The following FAM53B variants were observed in gnomAD, a reference collection of about 807,000 sequenced individuals.
FAM53B encodes the protein family with sequence similarity 53 member B, also known as protein FAM53B.
Under a neutral mutation model 32.7 loss-of-function variants are expected in FAM53B, and 12 were observed. That is an observed-to-expected ratio of 0.37 (90% CI 0.24 to 0.59). The LOEUF (loss-of-function observed/expected upper bound fraction) is 0.59, where lower values mean the gene tolerates loss of function less well. Ranked by LOEUF, FAM53B falls within the 20% of genes least tolerant of loss-of-function variation. The pLI is 0.72. For synonymous variants in FAM53B, 234 were observed against 228.7 expected, an observed-to-expected ratio of 1.02 and a Z score of -0.21; for missense variants, 477 against 577.7, an observed-to-expected ratio of 0.83 and a Z score of 1.79.
intron 4 of FAM53B, among the ~76,000 whole-genome samples, chr10:124,643,777 G>A (rs1949492832): frequency 6.6e-6 from 1 of 152,232 alleles, no homozygotes; most frequent in Non-Finnish European, 1.5e-5. Flanking sequence ...AGGATGGAAG[G>A]CTCAGAAGAT....
intron 4 of FAM53B, chr10:124,671,284 T>C (rs906241771): frequency 2.3e-6 from 1 of 436,886 alleles, no homozygotes; most frequent in Admixed American, 2.4e-5. Context: ...GCCTCTCAGG[T>C]CTTGCCCCAG....
chr10:124,650,975 C>T (rs1182226040), intron 4 of FAM53B, among the ~76,000 whole-genome samples: 2 of 152,076 alleles, frequency 1.3e-5, no homozygotes, highest in Non-Finnish European at 2.9e-5. Context: ...GGCGCTGAGT[C>T]ACACCGAGAG....
At chr10:124,642,325 G>A (rs1280953921) in intron 4 of FAM53B, among the ~76,000 whole-genome samples, 1 of 152,216 alleles carries the variant, frequency 6.6e-6, no homozygotes, top group Non-Finnish European at 1.5e-5. Flanking sequence ...GTGTGAACAC[G>A]TCCACAGTGA....
At chr10:124,716,373 C>A (rs1273008235) in intron 1 of FAM53B, among the ~76,000 whole-genome samples, 1 of 152,180 alleles carries the variant, frequency 6.6e-6, no homozygotes, top group Non-Finnish European at 1.5e-5. Flanking sequence ...CAAAACAAGA[C>A]AAAACAGTAA....
chr10:124,634,895 A>C (rs1352110882), intron 4 of FAM53B, among the ~76,000 whole-genome samples: 5 of 152,200 alleles, frequency 3.3e-5, no homozygotes, highest in African/African-American at 1.2e-4. Context: ...AAGACCACTA[A>C]GTTGTACACC....
chr10:124,732,816 T>C (rs1950152743), intron 1 of FAM53B, among the ~76,000 whole-genome samples: 1 of 149,570 alleles, frequency 6.7e-6, no homozygotes, highest in Admixed American at 6.7e-5. Context: ...GGTGACAGAG[T>C]GAGACTCCAT....
intron 4 of FAM53B, among the ~76,000 whole-genome samples, chr10:124,674,674 G>A (rs1949726533): frequency 6.6e-6 from 1 of 152,228 alleles, no homozygotes; most frequent in Admixed American, 6.5e-5. Context: ...CCAGTCAAAG[G>A]GGCAAGAGCC....
chr10:124,660,009 G>A (rs1423201639), intron 4 of FAM53B, among the ~76,000 whole-genome samples: 1 of 152,354 alleles, frequency 6.6e-6, no homozygotes, highest in African/African-American at 2.4e-5. Flanking sequence ...GTTTTGCCAT[G>A]TTGGCCAGGC....
At chr10:124,710,752 C>T (rs763644159) in intron 1 of FAM53B, among the ~76,000 whole-genome samples, 1 of 152,222 alleles carries the variant, frequency 6.6e-6, no homozygotes, top group Non-Finnish European at 1.5e-5. Context: ...CTACTAGGTA[C>T]CAGGCGCTTT....
intron 4 of FAM53B, among the ~76,000 whole-genome samples, chr10:124,636,963 T>C (rs947972980): frequency 1.3e-5 from 2 of 151,788 alleles, no homozygotes; most frequent in African/African-American, 4.8e-5. Context: ...GAGACTTCTT[T>C]CCTCCCAACA....
intron 4 of FAM53B, among the ~76,000 whole-genome samples, chr10:124,641,811 C>T (rs1206938066): frequency 1.3e-5 from 2 of 152,206 alleles, no homozygotes; most frequent in Admixed American, 6.5e-5. Flanking sequence ...ACTGATAAGA[C>T]TTACAGGTCC....
intron 4 of FAM53B, among the ~76,000 whole-genome samples, chr10:124,628,486 T>G (rs542702670): frequency 9.5e-4 from 145 of 152,306 alleles, no homozygotes; most frequent in African/African-American, 3.1e-3. Context: ...CTGGAGGCAC[T>G]GAGATCCTCC....
In FAM53B at chr10:124,648,774, G is replaced by T. The variant is rs139465496; in HGVS notation, c.907-25170C>A. 9.3e-3 allele frequency among the ~76,000 whole-genome samples: 1,419 copies of T among 152,362 alleles called. 16 individuals carry two copies. Among genetic ancestry groups the T allele is most frequent in the South Asian group, 0.025 (122 of 4,832 alleles). ...AACTCAGAGCTAGTCCACCTGTCCC[G>T]CCTGTTCGGGGCTCCTTTTGCTGCT... On this transcript the variant is annotated intron_variant, in intron 4 of 4. Transcript: ENST00000337318.
chr10:124,687,827 C>A (rs1589751079), intron 3 of FAM53B, among the ~76,000 whole-genome samples: 1 of 152,226 alleles, frequency 6.6e-6, no homozygotes, highest in African/African-American at 2.4e-5. Context: ...TTCTGGAAAG[C>A]AGATGACATG....
At chr10:124,712,367 A>G (rs900501852) in intron 1 of FAM53B, among the ~76,000 whole-genome samples, 6 of 152,114 alleles carry the variant, frequency 3.9e-5, no homozygotes, top group Non-Finnish European at 7.3e-5. Context: ...AAAAATAATT[A>G]TTATTATTAA....
chr10:124,627,876 T>C (rs770730073), intron 4 of FAM53B, among the ~76,000 whole-genome samples: 1 of 151,962 alleles, frequency 6.6e-6, no homozygotes, highest in Non-Finnish European at 1.5e-5. Flanking sequence ...TCTGTGCAGA[T>C]ATTTATTCCC....
chr10:124,700,059 T>C (rs986774395), intron 2 of FAM53B, among the ~76,000 whole-genome samples: 4 of 152,184 alleles, frequency 2.6e-5, no homozygotes, highest in Admixed American at 1.3e-4. Context: ...CCATCTTGCT[T>C]TCTGAGCCCC....
At chr10:124,657,151 T>TGTATATAC (rs1491309065) in intron 4 of FAM53B, among the ~76,000 whole-genome samples, 115 of 134,728 alleles carry the variant, frequency 8.5e-4, no homozygotes, top group Non-Finnish European at 1.4e-3. Context: ...TATATATGTG[T>TGTATATAC]ATATATGTGT....
rs906516892 is a variant in FAM53B, at chr10:124,651,442, C to A, written c.907-27838G>T. ...ACAGGCAGGGATGAAGCTAAGAGGG[C>A]TGCCAGGGGAGGCAGTATAAAGGCA... On this transcript the variant is annotated intron_variant, in intron 4 of 4. Coordinates refer to ENST00000337318, the MANE Select transcript of FAM53B (RefSeq NM_014661.4). This position sits in a 1 kb window ranked among gnomAD's most constrained non-coding sequence, Gnocchi z 5.2. 6.6e-5 allele frequency among the ~76,000 whole-genome samples: 10 copies of A among 152,222 alleles called. No individual in the cohort carries two copies. Among genetic ancestry groups the A allele is most frequent in the African/African-American group, 2.4e-4 (10 of 41,464 alleles).
Sources: allele counts gnomAD v4.1 joint callset (sites outside exome capture counted in the v4.1 genomes callset), GRCh38; gene constraint gnomAD v4.1.1; non-coding constraint Gnocchi (gnomAD v3.1); transcripts MANE v1.5; gene names NCBI Gene and HGNC (gene_info 2026-07-23, HGNC 2026-07-21).